Variants in PRRX2 observed in about 807,000 individuals in gnomAD.
The protein encoded by PRRX2 is paired mesoderm homeobox protein 2.
A neutral mutation model predicts 18.0 loss-of-function variants in PRRX2; 11 were observed. That is an observed-to-expected ratio of 0.61 (90% confidence interval 0.39 to 1.01). PRRX2 has a LOEUF of 1.01. Among genes scored for constraint, PRRX2 ranks in the 50% least tolerant of loss-of-function variants. The pLI is 0.01. For missense variants in PRRX2, 387 were observed against 351.0 expected (o/e 1.10, Z -0.82); for synonymous variants, 177 against 154.8 (o/e 1.14, Z -1.06).
intron 1 of PRRX2, among the ~76,000 whole-genome samples, chr9:129,711,702 C>T (rs1832623652): frequency 6.6e-6 from 1 of 152,164 alleles, no homozygotes; most frequent in African/African-American, 2.4e-5. Flanking sequence ...AGCCACGGCG[C>T]CCGGCCTCAG....
intron 1 of PRRX2, among the ~76,000 whole-genome samples, chr9:129,717,383 G>A (rs929843700): frequency 2.0e-5 from 3 of 150,888 alleles, no homozygotes; most frequent in African/African-American, 7.3e-5. Context: ...TTTTAAACTT[G>A]TATTTGTAAT....
intron 1 of PRRX2, among the ~76,000 whole-genome samples, chr9:129,710,713 CAG>C (rs1193523458): frequency 6.6e-6 from 1 of 152,098 alleles, no homozygotes; most frequent in Non-Finnish European, 1.5e-5. Context: ...AGCCTGGTAA[CAG>C]AGTGAGACTC....
At chr9:129,692,996 C>A (rs1048184332) in intron 1 of PRRX2, among the ~76,000 whole-genome samples, 1 of 152,154 alleles carries the variant, frequency 6.6e-6, no homozygotes, top group Non-Finnish European at 1.5e-5. Flanking sequence ...AGTGGCTGTA[C>A]CATTTCGCAT....
intron 1 of PRRX2, among the ~76,000 whole-genome samples, chr9:129,692,483 A>G (rs67053816): frequency 0.18 from 27,059 of 151,886 alleles, 4,568 homozygotes; most frequent in African/African-American, 0.44. Context: ...GAAATGCATA[A>G]TGACACGGAT....
At chr9:129,717,083 G>C (rs1351938910) in intron 1 of PRRX2, among the ~76,000 whole-genome samples, 1 of 151,816 alleles carries the variant, frequency 6.6e-6, no homozygotes, top group Non-Finnish European at 1.5e-5. Context: ...GTATTGCTCT[G>C]TCACCCAGGC....
chr9:129,682,258 G>A (rs754399391), intron 1 of PRRX2, among the ~76,000 whole-genome samples: 9 of 152,188 alleles, frequency 5.9e-5, no homozygotes, highest in Non-Finnish European at 1.3e-4. Flanking sequence ...CGTGGGTGGT[G>A]AGGATGCAGA....
intron 1 of PRRX2, among the ~76,000 whole-genome samples, chr9:129,717,457 G>GA (rs1832723563): frequency 0.056 from 1 of 18 alleles, no homozygotes; most frequent in South Asian, 0.5. Flanking sequence ...AGCACTTTGG[G>GA]AGGCGAGGCG....
intron 1 of PRRX2, among the ~76,000 whole-genome samples, chr9:129,668,289 C>T (rs569357561): frequency 2.0e-5 from 3 of 152,286 alleles, no homozygotes; most frequent in Admixed American, 6.5e-5. Context: ...TCCCCATCAT[C>T]GACCCTTTGA....
intron 1 of PRRX2, among the ~76,000 whole-genome samples, chr9:129,667,843 G>A (rs1352119153): frequency 6.6e-6 from 1 of 152,180 alleles, no homozygotes; most frequent in Non-Finnish European, 1.5e-5. Context: ...CCAGGCAGCT[G>A]GGTGTGCAGT....
At chr9:129,684,459 C>CACACACACACACACA (rs1491097967) in intron 1 of PRRX2, among the ~76,000 whole-genome samples, 3 of 134,158 alleles carry the variant, frequency 2.2e-5, no homozygotes, top group Non-Finnish European at 3.2e-5. Flanking sequence ...CACACACACA[C>CACACACACACACACA]CCAACAGAAA....
Position 129,699,439 on chromosome 9 carries a change from ATGTGTG to A in PRRX2, c.260-19764_260-19759del, listed in dbSNP as rs3138854. On this transcript the variant is annotated intron_variant, in intron 1 of 3. Coordinates refer to ENST00000372469, the MANE Select transcript of PRRX2 (RefSeq NM_016307.4). ...ACTCTGTCTCAAAAAAAATATATAT[ATGTGTG>A]TGTGTGTGTGTGTGTGTGTGTGTGT... Among the ~76,000 whole-genome samples the A allele has an allele frequency of 5.3e-3, 769 of 145,598 alleles. 5 individuals are homozygous for A. The highest frequency in any genetic ancestry group is 0.015 in the African/African-American group (585 of 39,572).
chr9:129,684,450 ACACACACACC>A (rs760067199), intron 1 of PRRX2, among the ~76,000 whole-genome samples: 1,771 of 143,816 alleles, frequency 0.012, 29 homozygotes, highest in Non-Finnish European at 0.021. Flanking sequence ...ACACACACAC[ACACACACACC>A]CAACAGAAAA....
intron 1 of PRRX2, among the ~76,000 whole-genome samples, chr9:129,691,932 CTTATTTAT>C (rs554253164): frequency 6.7e-6 from 1 of 149,436 alleles, no homozygotes; most frequent in African/African-American, 2.5e-5. Flanking sequence ...CTAGACGGTA[CTTATTTAT>C]TTATTTATTT....
chr9:129,680,202 G>A (rs1443221961), intron 1 of PRRX2, among the ~76,000 whole-genome samples: 1 of 151,996 alleles, frequency 6.6e-6, no homozygotes, highest in Non-Finnish European at 1.5e-5. Flanking sequence ...AAGAGTTCGA[G>A]ACCTGCCTGG....
chr9:129,691,756 GC>G (rs2130919088), intron 1 of PRRX2, among the ~76,000 whole-genome samples: 1 of 151,124 alleles, frequency 6.6e-6, no homozygotes, highest in Admixed American at 6.6e-5. Context: ...ACAGCTCATG[GC>G]AGCCTCCATC....
In PRRX2 at chr9:129,675,848, G is replaced by A. The variant is rs1344099783; in HGVS notation, c.259+9722G>A. ...CTCTCGCCGCCAGAGCTCTGCGCGG[G>A]CCTCCCGTATAAAACCCCGCAGAAC... On this transcript the variant is annotated intron_variant, in intron 1 of 3. Transcript: ENST00000372469. This position sits in a 1 kb window ranked among gnomAD's most constrained non-coding sequence, Gnocchi z 4.4. Among the ~76,000 whole-genome samples, 1 of 152,216 alleles carries A rather than the reference G, an allele frequency of 6.6e-6. No individual in the cohort carries two copies. The highest frequency in any genetic ancestry group is 1.5e-5 in the Non-Finnish European group (1 of 68,036).
chr9:129,700,846 T>C (rs1384251597), intron 1 of PRRX2, among the ~76,000 whole-genome samples: 1 of 152,194 alleles, frequency 6.6e-6, no homozygotes, highest in East Asian at 1.9e-4. Flanking sequence ...CCCAAACTCC[T>C]GGCCTGAAGC....
intron 1 of PRRX2, among the ~76,000 whole-genome samples, chr9:129,692,636 G>T (rs1032527425): frequency 6.6e-6 from 1 of 152,090 alleles, no homozygotes; most frequent in Non-Finnish European, 1.5e-5. Flanking sequence ...AACGTCATGT[G>T]GTTGGAATCA....
intron 2 of PRRX2, 122 bp from the exon 3 acceptor site, chr9:129,720,474 T>A (rs1395910975): frequency 3.9e-5 from 35 of 899,782 alleles, no homozygotes; most frequent in Non-Finnish European, 8.2e-6. Context: ...ATGAAAAAAC[T>A]GAGGGTCAGA....
Sources: gnomAD v4.1 joint callset for allele counts (sites outside exome capture counted in the v4.1 genomes callset) on GRCh38, gnomAD v4.1.1 for gene constraint, Gnocchi (gnomAD v3.1) non-coding constraint, MANE v1.5 for transcripts, NCBI Gene and HGNC (gene_info 2026-07-23, HGNC 2026-07-21) for gene names.